Variants in FHIT observed in about 807,000 individuals in gnomAD.
The protein encoded by FHIT is fragile histidine triad diadenosine triphosphatase.
Under a neutral mutation model 17.9 loss-of-function variants are expected in FHIT, and 19 were observed. The observed-to-expected ratio is 1.06, with a 90% confidence interval of 0.74 to 1.56. The LOEUF (loss-of-function observed/expected upper bound fraction) is 1.56, where lower values mean the gene tolerates loss of function less well. Among genes scored for constraint, FHIT ranks in the 40% most tolerant of loss-of-function variants. FHIT has a pLI of 0.00. For synonymous variants in FHIT, 81 were observed against 69.7 expected, an observed-to-expected ratio of 1.16 and a Z score of -0.81; for missense variants, 248 against 189.2, an observed-to-expected ratio of 1.31 and a Z score of -1.82.
intron 8 of FHIT, among the ~76,000 whole-genome samples, chr3:59,821,235 G>C (rs1185439633): frequency 1.3e-5 from 2 of 152,116 alleles, no homozygotes; most frequent in East Asian, 3.9e-4. Flanking sequence ...ACTGGCAAAG[G>C]AATAAACCTG....
chr3:59,877,826 C>T (rs1559690659), intron 8 of FHIT, among the ~76,000 whole-genome samples: 1 of 152,052 alleles, frequency 6.6e-6, no homozygotes, highest in Non-Finnish European at 1.5e-5. Context: ...TATATTCAGA[C>T]AAATAGAAAG....
chr3:60,986,227 A>C (rs1710715219), intron 3 of FHIT, among the ~76,000 whole-genome samples: 1 of 152,186 alleles, frequency 6.6e-6, no homozygotes, highest in Non-Finnish European at 1.5e-5. Flanking sequence ...AGTGATGCTG[A>C]TCCTGATAGT....
intron 5 of FHIT, among the ~76,000 whole-genome samples, chr3:60,317,052 A>G (rs1709193605): frequency 6.6e-6 from 1 of 152,204 alleles, no homozygotes; most frequent in African/African-American, 2.4e-5. Context: ...CAGTAATCTA[A>G]TAAAAAGAAA....
chr3:59,953,423 T>C (rs1230630056), intron 7 of FHIT, among the ~76,000 whole-genome samples: 1 of 152,154 alleles, frequency 6.6e-6, no homozygotes, highest in African/African-American at 2.4e-5. Flanking sequence ...CACTTAGAGT[T>C]GACCCATTTC....
intron 5 of FHIT, among the ~76,000 whole-genome samples, chr3:60,049,995 T>C (rs188329865): frequency 6.6e-6 from 1 of 152,334 alleles, no homozygotes; most frequent in Admixed American, 6.5e-5. Flanking sequence ...TTGGTGGTTA[T>C]AGAGCAGTGT....
intron 3 of FHIT, among the ~76,000 whole-genome samples, chr3:60,958,251 G>A (rs2107486258): frequency 6.6e-6 from 1 of 152,042 alleles, no homozygotes; most frequent in South Asian, 2.1e-4. Flanking sequence ...AATATACCTG[G>A]TATAGAATAA....
At chr3:61,035,606 G>C (rs1200570791) in intron 3 of FHIT, among the ~76,000 whole-genome samples, 1 of 152,066 alleles carries the variant, frequency 6.6e-6, no homozygotes, top group Non-Finnish European at 1.5e-5. Flanking sequence ...CTAATTAGCT[G>C]GTAATCTCGG....
chr3:61,048,986 G>T (rs907838030), intron 2 of FHIT, among the ~76,000 whole-genome samples: 4 of 151,932 alleles, frequency 2.6e-5, no homozygotes, highest in Non-Finnish European at 5.9e-5. Context: ...GGGGTTGGGG[G>T]AGTGGGGAGG....
intron 5 of FHIT, among the ~76,000 whole-genome samples, chr3:60,098,246 G>A (rs1559629927): frequency 7.1e-6 from 1 of 141,010 alleles, no homozygotes; most frequent in African/African-American, 2.6e-5. Context: ...TGGGATGGCT[G>A]GGTCAAATGG....
intron 4 of FHIT, among the ~76,000 whole-genome samples, chr3:60,744,263 CA>C (rs1201886354): frequency 0.013 from 1,152 of 86,000 alleles, 47 homozygotes; most frequent in East Asian, 0.09. Flanking sequence ...AAAAACAAAA[CA>C]AAACAAAAAA....
chr3:60,239,345 G>A (rs766002233), intron 5 of FHIT, among the ~76,000 whole-genome samples: 49 of 152,198 alleles, frequency 3.2e-4, no homozygotes, highest in African/African-American at 9.6e-4. Flanking sequence ...TGGGAGGATT[G>A]GGTGAGCCCA....
At chr3:59,963,717 G>C (rs139004813) in intron 7 of FHIT, among the ~76,000 whole-genome samples, 1,616 of 152,312 alleles carry the variant, frequency 0.011, 22 homozygotes, top group African/African-American at 0.035. Context: ...TGGAATCCCA[G>C]TTTTGAAGAT....
intron 1 of FHIT, among the ~76,000 whole-genome samples, chr3:61,230,527 T>G (rs1044057726): frequency 2.0e-5 from 3 of 152,274 alleles, no homozygotes. Context: ...TTTAATAAAT[T>G]ACTGAGTCTC....
chr3:60,558,638 C>T (rs1190916323), intron 4 of FHIT, among the ~76,000 whole-genome samples: 2 of 152,118 alleles, frequency 1.3e-5, no homozygotes, highest in African/African-American at 4.8e-5. Flanking sequence ...GTAAAAGTTG[C>T]TTGGTAAGCT....
intron 7 of FHIT, among the ~76,000 whole-genome samples, chr3:60,001,854 G>A (rs1391281610): frequency 6.6e-6 from 1 of 152,100 alleles, no homozygotes; most frequent in Non-Finnish European, 1.5e-5. Flanking sequence ...GATTACGTCT[G>A]GGAATTTATA....
chr3:60,061,670 TG>T (rs1200395221), intron 5 of FHIT, among the ~76,000 whole-genome samples: 1 of 152,232 alleles, frequency 6.6e-6, no homozygotes, highest in Non-Finnish European at 1.5e-5. Context: ...ATTAAAATAT[TG>T]CAAGTCAAGT....
rs112597847 is a variant in FHIT, at chr3:60,859,938, G to A, written c.-110-37927C>T. ...ACGTGCCTGTAATCCCAGCTACTGG[G>A]GAGACTGAGGTAGGAGAATTGCTTG... is the stretch of plus-strand genomic sequence containing the variant. On this transcript the variant is annotated intron_variant, in intron 3 of 9. Coordinates refer to ENST00000492590, the MANE Select transcript of FHIT (RefSeq NM_002012.4). 8.1e-3 allele frequency among the ~76,000 whole-genome samples: 1,213 copies of A among 149,956 alleles called. 17 individuals carry two copies. Among genetic ancestry groups the A allele is most frequent in the African/African-American group, 0.027 (1,108 of 40,862 alleles).
chr3:60,114,521 G>A (rs1181420956), intron 5 of FHIT, among the ~76,000 whole-genome samples: 2 of 44,662 alleles, frequency 4.5e-5, no homozygotes, highest in African/African-American at 1.5e-4. Flanking sequence ...TTTGAGACAA[G>A]GTCTCAGTCT....
chr3:60,110,603 C>T (rs113541362), intron 5 of FHIT, among the ~76,000 whole-genome samples: 44 of 152,276 alleles, frequency 2.9e-4, no homozygotes, highest in African/African-American at 9.9e-4. Context: ...AGTTACATCA[C>T]CTCCGAGCCT....
Sources: gnomAD v4.1 joint callset for allele counts (sites outside exome capture counted in the v4.1 genomes callset) on GRCh38, gnomAD v4.1.1 for gene constraint, MANE v1.5 for transcripts, NCBI Gene and HGNC (gene_info 2026-07-23, HGNC 2026-07-21) for gene names.